ZNF257: variants seen among roughly 807,000 people sequenced by gnomAD.
ZNF257 encodes bone marrow zinc finger 4.
A neutral mutation model predicts 11.9 loss-of-function variants in ZNF257; 12 were observed. The observed-to-expected ratio is 1.01, with a 90% confidence interval of 0.65 to 1.63. ZNF257 has a LOEUF of 1.63. Among genes scored for constraint, ZNF257 ranks in the 40% most tolerant of loss-of-function variants. ZNF257 has a pLI of 0.00. For synonymous variants in ZNF257, 183 were observed against 222.7 expected (o/e 0.82, Z 1.59); for missense variants, 580 against 665.5 (o/e 0.87, Z 1.41).
chr19:22,067,985 T>C (rs1006444965), intron 1 of ZNF257, among the ~76,000 whole-genome samples: 1 of 151,888 alleles, frequency 6.6e-6, no homozygotes, highest in Non-Finnish European at 1.5e-5. Flanking sequence ...ACTTAAGCTG[T>C]AAACCTTACT....
At chr19:22,052,945 G>A (rs1223847993) in intron 1 of ZNF257, among the ~76,000 whole-genome samples, 1 of 152,270 alleles carries the variant, frequency 6.6e-6, no homozygotes, top group East Asian at 1.9e-4. Context: ...GAGTCGTCAG[G>A]GGAGAATCCT....
intron 1 of ZNF257, among the ~76,000 whole-genome samples, chr19:22,062,625 G>C (rs1326326236): frequency 6.6e-6 from 1 of 151,910 alleles, no homozygotes; most frequent in Non-Finnish European, 1.5e-5. Flanking sequence ...TGGGATTACA[G>C]GCATGCGCCA....
intron 1 of ZNF257, among the ~76,000 whole-genome samples, chr19:22,053,214 C>A (rs1202286133): frequency 6.6e-6 from 1 of 151,532 alleles, no homozygotes; most frequent in African/African-American, 2.4e-5. Flanking sequence ...ACTAAAAATA[C>A]AAAAATTAGC....
chr19:22,058,600 A>G (rs2021706976), intron 1 of ZNF257, among the ~76,000 whole-genome samples: 1 of 152,206 alleles, frequency 6.6e-6, no homozygotes, highest in Admixed American at 6.5e-5. Flanking sequence ...CAAACTCTAC[A>G]GATTTGGTGC....
At chr19:22,072,995 T>TTA in intron 2 of ZNF257, 60 bp downstream of exon 2, 2 of 871,276 alleles carry the variant, frequency 2.3e-6, no homozygotes, top group African/African-American at 6.0e-5. Flanking sequence ...TTTTTATTTA[T>TTA]TTTTTTTTTT....
chr19:22,064,994 C>T (rs1004599866), intron 1 of ZNF257, among the ~76,000 whole-genome samples: 1 of 149,094 alleles, frequency 6.7e-6, no homozygotes, highest in Non-Finnish European at 1.5e-5. Context: ...GCAGAGGTTG[C>T]GGTGAGCCCA....
rs367608891 is a variant in ZNF257 at position 22,088,011 on chromosome 19, A to T, written c.261A>T (p.Pro87=). The stretch of plus-strand genomic sequence containing the variant: ...CTCATATTGCTGAAGACCTTTGCCC[A>T]GAGCGAGACATAAAATATTTTTTCC... ...MCSHIAEDLC[P]ERDIKYFFQK... The change falls in exon 4 of 4, where the codon CCA becomes CCT. Residue 87 remains proline (P), a synonymous_variant. Transcript: ENST00000594947. 2.7e-6 allele frequency: 4 copies of T among 1,482,532 alleles called. No individual in the cohort carries two copies. The highest frequency in any genetic ancestry group is 3.6e-6 in the Non-Finnish European group (4 of 1,115,924). 91.8% of individuals were successfully genotyped at this position (1,482,532 alleles called of 1,614,324 possible).
At chr19:22,066,614 C>G (rs1435737227) in intron 1 of ZNF257, among the ~76,000 whole-genome samples, 1 of 139,486 alleles carries the variant, frequency 7.2e-6, no homozygotes, top group Non-Finnish European at 1.5e-5. Flanking sequence ...ATGATAGCAT[C>G]CTAATCAACC....
intron 3 of ZNF257, among the ~76,000 whole-genome samples, chr19:22,078,781 T>C (rs2022289668): frequency 6.8e-6 from 1 of 146,576 alleles, no homozygotes; most frequent in Non-Finnish European, 1.5e-5. Context: ...GACACCCAGT[T>C]TTCTTTCTTT....
Position 22,052,585 on chromosome 19 carries a change from AT to A in ZNF257, c.-46del. The A allele has an allele frequency of 3.1e-6, 5 of 1,597,520 alleles. No homozygotes were observed. The highest frequency in any genetic ancestry group is 1.3e-5 in the African/African-American group (1 of 74,558). ...CTCTGTGGCCCTGTGACCTGCAGGTATTGGGAGATCCCCAGCTAAGACGCCA... is the reference window on the plus strand; with the variant it reads ...CTCTGTGGCCCTGTGACCTGCAGGTATGGGAGATCCCCAGCTAAGACGCCA... On this transcript the variant is annotated 5_prime_UTR_variant, in exon 1 of 4. In the 5' UTR this introduces an upstream ATG that the reference lacks. Transcript: ENST00000594947.
rs770213926 is a variant in ZNF257 at position 22,088,539 on chromosome 19, C to T, written c.789C>T (p.Gly263=). The part of the protein sequence containing the change: ...REKPYKCEEC[G]KAFNRSSHIT... ...AACCCTACAAATGTGAAGAGTGTGG[C>T]AAAGCCTTTAACCGGTCTTCACACA... The change falls in exon 4 of 4, where the codon GGC becomes GGT. Residue 263 remains glycine (G), a synonymous_variant. Transcript: ENST00000594947. 4 of 1,611,336 alleles carry T rather than the reference C, an allele frequency of 2.5e-6. No homozygotes were observed. The South Asian group carries it at 4.4e-5, about 18-fold the overall frequency.
intron 1 of ZNF257, among the ~76,000 whole-genome samples, chr19:22,068,452 G>T (rs1404599330): frequency 6.6e-6 from 1 of 152,096 alleles, no homozygotes; most frequent in African/African-American, 2.4e-5. Context: ...CATAAGAGCT[G>T]ATCTCTGCCT....
intron 3 of ZNF257, among the ~76,000 whole-genome samples, chr19:22,083,883 T>C (rs866453461): frequency 6.6e-6 from 1 of 152,174 alleles, no homozygotes; most frequent in Non-Finnish European, 1.5e-5. Flanking sequence ...CTCACGCCTG[T>C]AATCCCAGCA....
At chr19:22,060,977 G>C (rs970875042) in intron 1 of ZNF257, among the ~76,000 whole-genome samples, 1 of 152,106 alleles carries the variant, frequency 6.6e-6, no homozygotes, top group African/African-American at 2.4e-5. Flanking sequence ...CTGTTGTTTT[G>C]GTCTCTGAGC....
intron 1 of ZNF257, among the ~76,000 whole-genome samples, chr19:22,054,782 G>C (rs538785469): frequency 3.1e-4 from 47 of 152,288 alleles, no homozygotes; most frequent in African/African-American, 1.1e-3. Context: ...TTTGGAAGCT[G>C]TGAGGTGAGA....
At chr19:22,053,363 T>C in intron 1 of ZNF257, among the ~76,000 whole-genome samples, 2 of 54,348 alleles carry the variant, frequency 3.7e-5, no homozygotes, top group Non-Finnish European at 5.8e-5. Flanking sequence ...CGAGACTCCG[T>C]CTCAAAAAAA....
At chr19:22,082,230 T>C (rs2022376268) in intron 3 of ZNF257, among the ~76,000 whole-genome samples, 1 of 152,194 alleles carries the variant, frequency 6.6e-6, no homozygotes, top group Non-Finnish European at 1.5e-5. Flanking sequence ...ACCATCATTA[T>C]AATAGTAAAG....
chr19:22,076,643 C>G (rs1194363858), intron 3 of ZNF257, among the ~76,000 whole-genome samples: 1 of 151,946 alleles, frequency 6.6e-6, no homozygotes, highest in East Asian at 1.9e-4. Flanking sequence ...AAACATTTTA[C>G]TTATTGTTGT....
At chr19:22,078,983 G>A (rs1317174279) in intron 3 of ZNF257, among the ~76,000 whole-genome samples, 2 of 151,730 alleles carry the variant, frequency 1.3e-5, no homozygotes, top group African/African-American at 4.8e-5. Flanking sequence ...GTAGAGACGG[G>A]GTTTCTCCAT....
Sources: allele counts gnomAD v4.1 joint callset (sites outside exome capture counted in the v4.1 genomes callset), GRCh38; gene constraint gnomAD v4.1.1; transcripts MANE v1.5; gene names NCBI Gene and HGNC (gene_info 2026-07-23, HGNC 2026-07-21).